TRMU: variants seen among roughly 807,000 people sequenced by gnomAD.
TRMU encodes the protein tRNA mitochondrial 2-thiouridylase.
In TRMU, 49 loss-of-function variants were observed where a neutral mutation model predicts 46.9. The observed-to-expected ratio is 1.05, with a 90% confidence interval of 0.83 to 1.33. The LOEUF is 1.33. TRMU is among the 40% of genes most tolerant of loss of function. The pLI, the probability that TRMU is intolerant of heterozygous loss-of-function variation, is 0.00. For synonymous variants in TRMU, 241 were observed against 200.9 expected (o/e 1.20, Z -1.69); for missense variants, 572 against 532.4 (o/e 1.07, Z -0.73).
At position 46,352,224 on chromosome 22, in the gene TRMU, G is replaced by A. The variant is rs762480417; in HGVS notation, c.706-40G>A. On this transcript the variant is annotated intron_variant, in intron 6 of 10. Coordinates refer to ENST00000645190, the MANE Select transcript of TRMU (RefSeq NM_018006.5). ...GAGATGGGGCTGCGTGTCTGCCCTG[G>A]GCCTAGATCTCCGTCGGTAATGACA... 6.8e-6 allele frequency: 11 copies of A among 1,613,878 alleles called. 1 individual carries two copies. The South Asian group carries it at 9.9e-5, about 14-fold the overall frequency.
rs771627457 is a variant in TRMU, at chr22:46,352,139, A to T, written c.670A>T (p.Ile224Phe). ...ATTTCAGAGCATGGGCATGTGTTTC[A>T]TCGGGAAGAGGAATTTTGAACATTT... is the stretch of plus-strand genomic sequence containing the variant. ...QKKESMGMCF[I>F]GKRNFEHFLL... The change falls in exon 6 of 11, where the codon ATC becomes TTC. Residue 224 changes from isoleucine to phenylalanine, a missense_variant. Ile to Phe is a conservative substitution (Grantham distance 21, BLOSUM62 0). Transcript: ENST00000645190. 1.2e-6 allele frequency: 2 copies of T among 1,613,700 alleles called. No individual in the cohort carries two copies. Among genetic ancestry groups the T allele is most frequent in the East Asian group, 4.5e-5 (2 of 44,874 alleles).
rs1423804346 is a variant in TRMU, at chr22:46,338,839, A to C, written c.248+895A>C. Reference sequence around the variant, plus strand: ...TCGAAGGCGTCTGACACAGCAGGCCATGTGCGCGGGACAGGCTGCCCCTGC... The same window carrying C: ...TCGAAGGCGTCTGACACAGCAGGCCCTGTGCGCGGGACAGGCTGCCCCTGC... On this transcript the variant is annotated intron_variant, in intron 2 of 10. Coordinates refer to ENST00000645190, the MANE Select transcript of TRMU (RefSeq NM_018006.5). This position sits in a 1 kb window ranked among gnomAD's most constrained non-coding sequence, Gnocchi z 4.5. Among the ~76,000 whole-genome samples the C allele has an allele frequency of 1.3e-5, 2 of 152,184 alleles. No individual in the cohort carries two copies. The highest frequency in any genetic ancestry group is 2.9e-5 in the Non-Finnish European group (2 of 68,032).
rs1569067271 is a variant in TRMU, at chr22:46,343,296, C to G, written c.283C>G (p.Pro95Ala). 6.2e-7 allele frequency: 1 copy of G among 1,613,720 alleles called. No homozygotes were observed. The highest frequency in any genetic ancestry group is 8.5e-7 in the Non-Finnish European group (1 of 1,179,918). Residue 95 changes from proline to alanine, a missense_variant, in exon 3 of 11, where the codon CCC becomes GCC. Transcript: ENST00000645190. ...FLNEYEKGRT[P>A]NPDIVCNKHI... ...GAATGAGTATGAAAAAGGAAGGACT[C>G]CCAATCCTGACATAGTTTGCAACAA... is the stretch of plus-strand genomic sequence containing the variant.
chr22:46,355,151 A>C (rs1277357842), intron 8 of TRMU: 3 of 527,530 alleles, frequency 5.7e-6, no homozygotes, highest in Non-Finnish European at 1.0e-5. Context: ...GGCCTGAGTC[A>C]GACTTGAACC....
intron 3 of TRMU, among the ~76,000 whole-genome samples, chr22:46,345,875 C>T (rs1036866552): frequency 6.6e-5 from 10 of 151,966 alleles, no homozygotes; most frequent in African/African-American, 2.4e-4. Flanking sequence ...TGAAGCAATC[C>T]TCCCACCTCA....
intron 1 of TRMU, 58 bp downstream of exon 1, chr22:46,335,904 C>A: frequency 2.0e-6 from 3 of 1,527,168 alleles, no homozygotes; most frequent in East Asian, 2.5e-5. Context: ...GAAACCTGTC[C>A]CCGTCCGTCG....
At position 46,348,759 on chromosome 22, in the gene TRMU, T is replaced by G. The variant is rs1318571172; in HGVS notation, c.479-1532T>G. The stretch of plus-strand genomic sequence containing the variant: ...AGTTTGTTTTAAAATGACGCAGAAC[T>G]AGGAGAAAATGCAAATGGCTCCTAG... On this transcript the variant is annotated intron_variant, in intron 4 of 10. Transcript: ENST00000645190. This position sits in a 1 kb window ranked among gnomAD's most constrained non-coding sequence, Gnocchi z 4.8. Among the ~76,000 whole-genome samples the G allele has an allele frequency of 1.3e-5, 2 of 152,350 alleles. No homozygotes were observed. The highest frequency in any genetic ancestry group is 2.1e-4 in the South Asian group (1 of 4,826).
Position 46,336,187 on chromosome 22 carries a change from C to A in TRMU, c.82+341C>A. 1.7e-6 allele frequency: 2 copies of A among 1,171,266 alleles called. No homozygotes were observed. The highest frequency in any genetic ancestry group is 2.1e-6 in the Non-Finnish European group (2 of 936,288). The allele number at this position is 1,171,266 out of a possible 1,614,324, so 72.6% of individuals were successfully genotyped here. ...GCGGCGTCCACATTCACCTGTGAGA[C>A]CGTGGACACTGGTGAGGGGAGCTGG... On this transcript the variant is annotated intron_variant, in intron 1 of 10. Coordinates refer to ENST00000645190, the MANE Select transcript of TRMU (RefSeq NM_018006.5). The surrounding 1 kb of genome is among the most constrained non-coding windows in gnomAD (Gnocchi z 4.1).
In TRMU at chr22:46,352,080, C is replaced by G. The variant is rs373004247; in HGVS notation, c.652-41C>G. 4 of 1,610,074 alleles carry G rather than the reference C, an allele frequency of 2.5e-6. No individual in the cohort carries two copies. In the African/African-American group the frequency reaches 5.3e-5, roughly 21 times the overall value. On this transcript the variant is annotated intron_variant, in intron 5 of 10. Transcript: ENST00000645190. ...CGTCTGGGTACAGCTTGGGCCACCG[C>G]CACTTCTGCTCCTCTCACGGCTGCC...
At position 46,351,858 on chromosome 22, in the gene TRMU, T is replaced by C; in HGVS notation, c.652-263T>C. On this transcript the variant is annotated intron_variant, in intron 5 of 10. Transcript: ENST00000645190. This position sits in a 1 kb window ranked among gnomAD's most constrained non-coding sequence, Gnocchi z 6.4. ...AAGGACCTGACCGGGTTCTGCTTTCTTCCCCGGGGCAGCTGGTGTGAGGGT... is the reference window on the plus strand; with the variant it reads ...AAGGACCTGACCGGGTTCTGCTTTCCTCCCCGGGGCAGCTGGTGTGAGGGT... 1.8e-6 allele frequency: 1 copy of C among 566,780 alleles called. No individual in the cohort carries two copies. Among genetic ancestry groups the C allele is most frequent in the Non-Finnish European group, 3.2e-6 (1 of 315,168 alleles). 35.1% of individuals were successfully genotyped at this position (566,780 alleles called of 1,614,324 possible). A position where few individuals can be genotyped will look rare whatever the true frequency, so the allele number is the denominator to read the frequency against.
intron 2 of TRMU, among the ~76,000 whole-genome samples, chr22:46,340,254 A>G (rs999970012): frequency 6.6e-6 from 1 of 152,064 alleles, no homozygotes; most frequent in African/African-American, 2.4e-5. Flanking sequence ...CGGCTTAGGG[A>G]CTGATGTGTG....
At chr22:46,354,582 TG>T (rs1569086297) in intron 8 of TRMU, 4 of 152,808 alleles carry the variant, frequency 2.6e-5, no homozygotes, top group Non-Finnish European at 4.4e-5. Context: ...GCACGAATGC[TG>T]GGGCGCCTTC....
In TRMU at chr22:46,338,670, G is replaced by A. The variant is rs74559187; in HGVS notation, c.248+726G>A. ...GAGAAGGGACTCCAAATGGGGTAAC[G>A]AGAGCAGCGTGAAGGGGAGAAGAAA... On this transcript the variant is annotated intron_variant, in intron 2 of 10. Transcript: ENST00000645190. This position sits in a 1 kb window ranked among gnomAD's most constrained non-coding sequence, Gnocchi z 4.5. Among the ~76,000 whole-genome samples, 2,177 of 152,348 alleles carry A rather than the reference G, an allele frequency of 0.014. 46 individuals carry two copies. Among genetic ancestry groups the A allele is most frequent in the African/African-American group, 0.049 (2,049 of 41,576 alleles).
Position 46,348,305 on chromosome 22 carries a change from G to A in TRMU, c.478+1761G>A, listed in dbSNP as rs564481437. On this transcript the variant is annotated intron_variant, in intron 4 of 10. Transcript: ENST00000645190. The surrounding 1 kb of genome is among the most constrained non-coding windows in gnomAD (Gnocchi z 4.8). ...CCTTTATTATAGGCCACGTGCCCTC[G>A]GAAACTTGGGACAGTACTGATGCGT... Among the ~76,000 whole-genome samples the A allele has an allele frequency of 2.0e-4, 30 of 152,196 alleles. No individual in the cohort carries two copies. The highest frequency in any genetic ancestry group is 3.4e-4 in the Non-Finnish European group (23 of 68,036).
intron 3 of TRMU, among the ~76,000 whole-genome samples, chr22:46,345,623 A>G (rs2078232977): frequency 6.6e-6 from 1 of 152,212 alleles, no homozygotes; most frequent in African/African-American, 2.4e-5. Context: ...AAACCGTGGA[A>G]TCATGGTGTT....
chr22:46,343,482 C>A, intron 3 of TRMU, 114 bp downstream of exon 3: 1 of 784,932 alleles, frequency 1.3e-6, no homozygotes, highest in Non-Finnish European at 2.1e-6. Flanking sequence ...ACCTCCTGGG[C>A]TCAAGAGATT....
chr22:46,352,804 C>T, intron 7 of TRMU: 1 of 282,638 alleles, frequency 3.5e-6, no homozygotes. Flanking sequence ...GCGGTGAGGC[C>T]TGCGTGAGCC....
rs888074845 is a variant in TRMU at position 46,347,123 on chromosome 22, T to C, written c.478+579T>C. 6.6e-6 allele frequency among the ~76,000 whole-genome samples: 1 copy of C among 152,182 alleles called. No homozygotes were observed. The highest frequency in any genetic ancestry group is 1.5e-5 in the Non-Finnish European group (1 of 68,030). On this transcript the variant is annotated intron_variant, in intron 4 of 10. Transcript: ENST00000645190. The surrounding 1 kb of genome is among the most constrained non-coding windows in gnomAD (Gnocchi z 5.0). ...TGGCCTGTCCTGGTGTACATTCGTG[T>C]GTAGAAAAGAGGAATTCCCTGTATT...
chr22:46,344,313 G>T (rs1308366142), intron 3 of TRMU, among the ~76,000 whole-genome samples: 1 of 152,198 alleles, frequency 6.6e-6, no homozygotes, highest in African/African-American at 2.4e-5. Flanking sequence ...TGTCTAGGAA[G>T]GGGTGATGCG....
Sources: allele counts gnomAD v4.1 joint callset (sites outside exome capture counted in the v4.1 genomes callset), GRCh38; gene constraint gnomAD v4.1.1; non-coding constraint Gnocchi (gnomAD v3.1); transcripts MANE v1.5; gene names NCBI Gene and HGNC (gene_info 2026-07-23, HGNC 2026-07-21).